Variants in BAALC observed in about 807,000 individuals in gnomAD.
BAALC encodes the protein BAALC binder of MAP3K1 and KLF4.
In BAALC, 9 loss-of-function variants were observed where a neutral mutation model predicts 15.5. That is an observed-to-expected ratio of 0.58 (90% CI 0.35 to 1.02). The LOEUF (loss-of-function observed/expected upper bound fraction) is 1.02. Ranked by LOEUF, BAALC falls within the 50% of genes least tolerant of loss-of-function variation. BAALC has a pLI of 0.02. For missense variants in BAALC, 201 were observed against 192.4 expected, an observed-to-expected ratio of 1.04 and a Z score of -0.27; for synonymous variants, 80 against 74.6, an observed-to-expected ratio of 1.07 and a Z score of -0.37.
At chr8:103,161,959 T>TTTTTGTTTTTG (rs57022661) in intron 1 of BAALC, among the ~76,000 whole-genome samples, 11 of 151,188 alleles carry the variant, frequency 7.3e-5, no homozygotes, top group South Asian at 2.1e-4. Flanking sequence ...TCTTTGTTTG[T>TTTTTGTTTTTG]TTTTTGTTTT....
At chr8:103,186,080 C>G (rs953324745) in intron 1 of BAALC, among the ~76,000 whole-genome samples, 1 of 152,088 alleles carries the variant, frequency 6.6e-6, no homozygotes, top group Non-Finnish European at 1.5e-5. Context: ...AATGGGATGC[C>G]CAGCCTCTTC....
At chr8:103,175,058 G>A (rs1811577765) in intron 1 of BAALC, among the ~76,000 whole-genome samples, 1 of 152,140 alleles carries the variant, frequency 6.6e-6, no homozygotes, top group Non-Finnish European at 1.5e-5. Context: ...TCAGCCTGTG[G>A]CGGAACTTCC....
intron 1 of BAALC, among the ~76,000 whole-genome samples, chr8:103,199,807 C>CCCT (rs1812175198): frequency 3.4e-5 from 4 of 116,850 alleles, no homozygotes; most frequent in South Asian, 2.8e-4. Context: ...TTTCCTCCCT[C>CCCT]CCACCCTCCA....
intron 2 of BAALC, among the ~76,000 whole-genome samples, chr8:103,226,850 G>A (rs1812817030): frequency 6.6e-6 from 1 of 151,990 alleles, no homozygotes; most frequent in Non-Finnish European, 1.5e-5. Flanking sequence ...AACCTTATGA[G>A]AGAGATAATA....
chr8:103,176,273 T>A (rs1811604321), intron 1 of BAALC, among the ~76,000 whole-genome samples: 1 of 152,170 alleles, frequency 6.6e-6, no homozygotes. Flanking sequence ...CAGAAAGCAC[T>A]GTTAAATTAA....
At chr8:103,192,401 A>T (rs1380305988) in intron 1 of BAALC, among the ~76,000 whole-genome samples, 1 of 152,380 alleles carries the variant, frequency 6.6e-6, no homozygotes, top group East Asian at 1.9e-4. Context: ...GTTGTCAAAC[A>T]TAATCCTGTT....
chr8:103,192,260 C>T (rs1472599280), intron 1 of BAALC, among the ~76,000 whole-genome samples: 1 of 152,154 alleles, frequency 6.6e-6, no homozygotes, highest in Non-Finnish European at 1.5e-5. Flanking sequence ...TCATATTGGT[C>T]AAGCTGGTCT....
intron 1 of BAALC, among the ~76,000 whole-genome samples, chr8:103,157,831 A>C (rs533675593): frequency 6.6e-6 from 1 of 152,306 alleles, no homozygotes; most frequent in African/African-American, 2.4e-5. Flanking sequence ...AAAAAGTAAA[A>C]AGATATTGGA....
intron 1 of BAALC, among the ~76,000 whole-genome samples, chr8:103,188,323 CT>C (rs1811891432): frequency 6.6e-6 from 1 of 152,172 alleles, no homozygotes; most frequent in Admixed American, 6.5e-5. Context: ...TGCGATGCCC[CT>C]GAACCACATA....
intron 1 of BAALC, among the ~76,000 whole-genome samples, chr8:103,188,416 T>G (rs1811893712): frequency 6.6e-6 from 1 of 151,874 alleles, no homozygotes; most frequent in South Asian, 2.1e-4. Context: ...GGGGATGGGG[T>G]TACTGGGAAA....
At chr8:103,213,722 T>A (rs1812503321) in intron 2 of BAALC, 1 of 152,570 alleles carries the variant, frequency 6.6e-6, no homozygotes, top group South Asian at 2.1e-4. Context: ...GGCTCAGGCA[T>A]CTGCAGTCTC....
intron 1 of BAALC, among the ~76,000 whole-genome samples, chr8:103,192,294 C>T (rs1261745814): frequency 6.6e-6 from 1 of 152,158 alleles, no homozygotes; most frequent in African/African-American, 2.4e-5. Flanking sequence ...TCAGGTGACC[C>T]ACCCGCCTCA....
intron 2 of BAALC, among the ~76,000 whole-genome samples, chr8:103,223,139 C>T (rs1413829462): frequency 6.6e-6 from 1 of 152,072 alleles, no homozygotes; most frequent in African/African-American, 2.4e-5. Flanking sequence ...GATGAAATCC[C>T]GTCTCTACTA....
At chr8:103,221,527 G>A (rs887902351) in intron 2 of BAALC, among the ~76,000 whole-genome samples, 4 of 151,966 alleles carry the variant, frequency 2.6e-5, no homozygotes, top group Admixed American at 1.3e-4. Context: ...CATTAAAAAG[G>A]TATGGGGGGT....
chr8:103,200,116 C>T (rs1812181416), intron 1 of BAALC, among the ~76,000 whole-genome samples: 2 of 152,058 alleles, frequency 1.3e-5, no homozygotes, highest in Admixed American at 6.6e-5. Context: ...CTGCAATGAA[C>T]ATGCAAGGGT....
intron 1 of BAALC, among the ~76,000 whole-genome samples, chr8:103,211,891 C>G (rs1812454272): frequency 6.6e-6 from 1 of 152,176 alleles, no homozygotes; most frequent in Non-Finnish European, 1.5e-5. Flanking sequence ...AAAGTCCGGG[C>G]TACCTTGCTG....
intron 2 of BAALC, among the ~76,000 whole-genome samples, chr8:103,224,249 T>G (rs1812748651): frequency 6.6e-6 from 1 of 152,070 alleles, no homozygotes; most frequent in South Asian, 2.1e-4. Context: ...GAGCCAAATA[T>G]GAGTGACCAT....
chr8:103,141,872 T>A (rs1270604245), intron 1 of BAALC, among the ~76,000 whole-genome samples: 1 of 152,192 alleles, frequency 6.6e-6, no homozygotes, highest in Non-Finnish European at 1.5e-5. Context: ...TAAGTCAGGA[T>A]TTTATTTTAT....
chr8:103,176,698 T>C (rs1416972089), intron 1 of BAALC, among the ~76,000 whole-genome samples: 5 of 152,202 alleles, frequency 3.3e-5, no homozygotes, highest in Non-Finnish European at 5.9e-5. Context: ...GAAGTTGAAA[T>C]GGGAGGGACC....
Sources: allele counts gnomAD v4.1 joint callset (sites outside exome capture counted in the v4.1 genomes callset), GRCh38; gene constraint gnomAD v4.1.1; transcripts MANE v1.5; gene names NCBI Gene and HGNC (gene_info 2026-07-23, HGNC 2026-07-21).